The following ADCY2 variants were observed in gnomAD, a reference collection of about 807,000 sequenced individuals.
ADCY2 encodes adenylate cyclase type 2.
A neutral mutation model predicts 125.2 loss-of-function variants in ADCY2; 31 were observed. That is an observed-to-expected ratio of 0.25 (90% CI 0.19 to 0.33). The LOEUF is 0.33. Ranked by LOEUF, ADCY2 falls within the 10% of genes least tolerant of loss-of-function variation. The probability of loss-of-function intolerance (pLI) is 1.00; values close to 1 mark genes in which losing one functional copy is unlikely to be tolerated. For synonymous variants in ADCY2, 512 were observed against 548.4 expected, an observed-to-expected ratio of 0.93 and a Z score of 0.93; for missense variants, 904 against 1,418.2, an observed-to-expected ratio of 0.64 and a Z score of 5.82.
intron 3 of ADCY2, among the ~76,000 whole-genome samples, chr5:7,602,484 C>T (rs1480852317): frequency 2.6e-5 from 4 of 152,184 alleles, no homozygotes; most frequent in Non-Finnish European, 1.5e-5. Flanking sequence ...GGCAGCCTCA[C>T]TCTTACCTTT....
chr5:7,557,433 T>C (rs565210662), intron 3 of ADCY2, among the ~76,000 whole-genome samples: 62 of 152,176 alleles, frequency 4.1e-4, no homozygotes, highest in African/African-American at 1.5e-3. Flanking sequence ...TAGGTAAACT[T>C]GTGTCCTGGG....
At chr5:7,425,748 C>T (rs1024134464) in intron 2 of ADCY2, among the ~76,000 whole-genome samples, 11 of 152,166 alleles carry the variant, frequency 7.2e-5, no homozygotes, top group Admixed American at 5.9e-4. Context: ...GGAGGCTTCA[C>T]AGTAAACTTT....
chr5:7,757,094 A>G (rs528235468), intron 15 of ADCY2, among the ~76,000 whole-genome samples: 49 of 152,336 alleles, frequency 3.2e-4, no homozygotes, highest in Non-Finnish European at 6.2e-4. Flanking sequence ...GATAACTTTC[A>G]TCATAGCTGT....
In ADCY2 at chr5:7,541,636, C is replaced by T. The variant is rs187010586; in HGVS notation, c.570+20737C>T. Among the ~76,000 whole-genome samples the T allele has an allele frequency of 8.5e-5, 13 of 152,292 alleles. No homozygotes were observed. The East Asian group carries it at 1.5e-3, about 18-fold the overall frequency. On this transcript the variant is annotated intron_variant, in intron 3 of 24. Transcript: ENST00000338316. ...GGAATTTTCAGGTACACCTTTCAGG[C>T]GTCACCCTTGGTTCTAACTGCCCTG...
chr5:7,543,182 G>A (rs895706064), intron 3 of ADCY2, among the ~76,000 whole-genome samples: 9 of 152,070 alleles, frequency 5.9e-5, no homozygotes, highest in Non-Finnish European at 7.4e-5. Context: ...ACACGTATGT[G>A]GAGTACAATC....
chr5:7,685,790 C>A (rs1211603414), intron 4 of ADCY2, among the ~76,000 whole-genome samples: 1 of 152,086 alleles, frequency 6.6e-6, no homozygotes, highest in Non-Finnish European at 1.5e-5. Context: ...GCAGCATAGG[C>A]AACATTTTGT....
At chr5:7,652,915 T>C (rs1325417235) in intron 4 of ADCY2, among the ~76,000 whole-genome samples, 1 of 151,986 alleles carries the variant, frequency 6.6e-6, no homozygotes, top group Non-Finnish European at 1.5e-5. Context: ...AGCAATAAAA[T>C]ATCATCCAGA....
At chr5:7,697,994 A>G (rs1325776918) in intron 6 of ADCY2, among the ~76,000 whole-genome samples, 1 of 152,162 alleles carries the variant, frequency 6.6e-6, no homozygotes, top group Non-Finnish European at 1.5e-5. Context: ...TGAAGTGTAA[A>G]TCATTCCAGA....
intron 3 of ADCY2, among the ~76,000 whole-genome samples, chr5:7,560,966 G>A (rs927562018): frequency 4.6e-5 from 7 of 152,184 alleles, no homozygotes; most frequent in Non-Finnish European, 7.4e-5. Context: ...GGAATTACAG[G>A]TGTGAGCCAC....
At chr5:7,592,917 T>C (rs1165728082) in intron 3 of ADCY2, among the ~76,000 whole-genome samples, 1 of 152,120 alleles carries the variant, frequency 6.6e-6, no homozygotes, top group Non-Finnish European at 1.5e-5. Context: ...AGACAAAACT[T>C]AAGGAAAAAG....
intron 3 of ADCY2, among the ~76,000 whole-genome samples, chr5:7,542,691 G>T (rs1042728477): frequency 1.3e-5 from 2 of 152,176 alleles, no homozygotes; most frequent in Non-Finnish European, 2.9e-5. Context: ...TGCCCTCAAG[G>T]CCTTCAGCTG....
intron 2 of ADCY2, among the ~76,000 whole-genome samples, chr5:7,510,097 T>C (rs1056955595): frequency 3.2e-4 from 49 of 152,312 alleles, no homozygotes; most frequent in African/African-American, 1.1e-3. Context: ...TCCTCTGTAA[T>C]TGTTGATGTG....
intron 15 of ADCY2, among the ~76,000 whole-genome samples, chr5:7,744,536 G>C (rs1272962848): frequency 6.6e-6 from 1 of 152,240 alleles, no homozygotes; most frequent in Non-Finnish European, 1.5e-5. Context: ...TGGATATACA[G>C]ATTAAACCTA....
chr5:7,667,209 T>C (rs564570135), intron 4 of ADCY2, among the ~76,000 whole-genome samples: 2 of 151,976 alleles, frequency 1.3e-5, no homozygotes, highest in Non-Finnish European at 2.9e-5. Flanking sequence ...TGAGGGAAAG[T>C]GCAAGAGTAA....
chr5:7,722,843 C>T (rs1741802475), intron 12 of ADCY2, among the ~76,000 whole-genome samples: 1 of 151,368 alleles, frequency 6.6e-6, no homozygotes, highest in East Asian at 2.0e-4. Context: ...ACCTGTAATC[C>T]CAGCTATTTG....
At chr5:7,800,991 C>T (rs1441458450) in intron 20 of ADCY2, 2 of 152,216 alleles carry the variant, frequency 1.3e-5, no homozygotes, top group Non-Finnish European at 2.9e-5. Flanking sequence ...TGTTCATGTA[C>T]TTTGTACAGA....
At chr5:7,818,730 C>A (rs2126539397) in intron 23 of ADCY2, among the ~76,000 whole-genome samples, 1 of 152,240 alleles carries the variant, frequency 6.6e-6, no homozygotes, top group East Asian at 1.9e-4. Flanking sequence ...CTACCTTACA[C>A]AAAGATGAGA....
At chr5:7,645,285 T>C (rs1001208621) in intron 4 of ADCY2, among the ~76,000 whole-genome samples, 12 of 152,116 alleles carry the variant, frequency 7.9e-5, no homozygotes, top group Non-Finnish European at 1.5e-4. Context: ...TATATCAGGA[T>C]AGATGGATGG....
At chr5:7,824,080 A>G (rs1049149435) in intron 24 of ADCY2, among the ~76,000 whole-genome samples, 1 of 152,164 alleles carries the variant, frequency 6.6e-6, no homozygotes, top group African/African-American at 2.4e-5. Flanking sequence ...CCTCACTCCA[A>G]TAAGCTCTCT....
Sources: allele counts gnomAD v4.1 joint callset (sites outside exome capture counted in the v4.1 genomes callset), GRCh38; gene constraint gnomAD v4.1.1; transcripts MANE v1.5; gene names NCBI Gene and HGNC (gene_info 2026-07-23, HGNC 2026-07-21).